SIN3A: variants seen among roughly 807,000 people sequenced by gnomAD.
SIN3A encodes SIN3 transcription regulator family member A.
In SIN3A, 14 loss-of-function variants were observed where a neutral mutation model predicts 146.1. That is an observed-to-expected ratio of 0.10 (90% CI 0.06 to 0.15). SIN3A has a LOEUF of 0.15. Among genes scored for constraint, SIN3A ranks in the 10% least tolerant of loss-of-function variants. The pLI is 1.00. For synonymous variants in SIN3A, 572 were observed against 572.0 expected (o/e 1.00, Z 0.00); for missense variants, 1,028 against 1,576.0 (o/e 0.65, Z 5.89).
chr15:75,425,501 C>T (rs900151339), intron 2 of SIN3A, among the ~76,000 whole-genome samples: 5 of 152,112 alleles, frequency 3.3e-5, no homozygotes, highest in African/African-American at 1.2e-4. Flanking sequence ...TGATTTGCTA[C>T]GAGCACTGTA....
At chr15:75,383,518 G>A (rs967143307) in intron 17 of SIN3A, among the ~76,000 whole-genome samples, 1 of 151,732 alleles carries the variant, frequency 6.6e-6, no homozygotes, top group African/African-American at 2.4e-5. Context: ...CGACCTCCCA[G>A]GCTCAAGCAA....
intron 16 of SIN3A, among the ~76,000 whole-genome samples, chr15:75,386,069 G>A (rs2073070647): frequency 6.6e-6 from 1 of 152,198 alleles, no homozygotes; most frequent in South Asian, 2.1e-4. Context: ...CGCCCAGGCT[G>A]GAGTGCAGTG....
At position 75,421,665 on chromosome 15, in the gene SIN3A, C is replaced by T. The variant is rs188592278; in HGVS notation, c.366+982G>A. 27 of 152,292 alleles carry T rather than the reference C, an allele frequency of 1.8e-4. No homozygotes were observed. The East Asian group carries it at 5.2e-3, about 29-fold the overall frequency. The allele number at this position is 152,292 out of a possible 1,614,324, so 9.4% of individuals were successfully genotyped here. ...ATTTCTCATTCGTGCCTGCAAGCAA[C>T]ATAAGTAGGTTGCAATAACCAAATG... On this transcript the variant is annotated intron_variant, in intron 3 of 20. Transcript: ENST00000394947.
In SIN3A at chr15:75,430,288, G is replaced by C; in HGVS notation, c.88C>G (p.Gln30Glu). 1 of 1,614,152 alleles carries C rather than the reference G, an allele frequency of 6.2e-7. No individual in the cohort carries two copies. The highest frequency in any genetic ancestry group is 1.1e-5 in the South Asian group (1 of 91,080). The change falls in exon 2 of 21, where the codon CAG becomes GAG. Residue 30 changes from glutamine (Q) to glutamate (E), a missense_variant. By Grantham distance (29) the Gln-to-Glu change is conservative. Transcript: ENST00000394947. ...GGGGCAGGGGCAAGCACCCGGTGCT[G>C]GTGAGGAAAAGCCTCTGTGCTGCCA... ...IPGSTEAFPH[Q>E]HRVLAPAPPV... is the part of the protein sequence containing the mutation.
At chr15:75,396,210 C>A in intron 13 of SIN3A, 48 bp downstream of exon 13, 1 of 1,289,788 alleles carries the variant, frequency 7.8e-7, no homozygotes, top group South Asian at 1.3e-5. Context: ...AGACACTGAA[C>A]CGGTAGTGAA....
intron 2 of SIN3A, 64 bp from the exon 3 acceptor site, chr15:75,422,887 A>G: frequency 1.3e-6 from 2 of 1,501,170 alleles, no homozygotes; most frequent in East Asian, 2.3e-5. Flanking sequence ...AAATGAGTCT[A>G]AATAACTAAC....
intron 2 of SIN3A, among the ~76,000 whole-genome samples, chr15:75,428,310 G>C (rs1021665392): frequency 6.6e-6 from 1 of 151,948 alleles, no homozygotes; most frequent in Non-Finnish European, 1.5e-5. Flanking sequence ...TGAATAACAC[G>C]GGTTTTTGTT....
chr15:75,409,175 G>A (rs1484333019), intron 8 of SIN3A, among the ~76,000 whole-genome samples: 1 of 151,950 alleles, frequency 6.6e-6, no homozygotes, highest in Non-Finnish European at 1.5e-5. Flanking sequence ...CTGCACTCCA[G>A]CCTGGGCGAC....
chr15:75,440,742 G>C (rs1040089892), intron 1 of SIN3A, among the ~76,000 whole-genome samples: 2 of 152,050 alleles, frequency 1.3e-5, no homozygotes, highest in Admixed American at 1.3e-4. Flanking sequence ...CAGCACTTTG[G>C]AAGGCCAAGG....
At chr15:75,383,079 CTGGACAACA>C (rs2073005406) in intron 17 of SIN3A, among the ~76,000 whole-genome samples, 1 of 151,410 alleles carries the variant, frequency 6.6e-6, no homozygotes. Flanking sequence ...CCTGGACAAC[CTGGACAACA>C]AGAGTGAGCC....
intron 1 of SIN3A, among the ~76,000 whole-genome samples, chr15:75,440,936 C>A (rs886923769): frequency 6.9e-6 from 1 of 145,782 alleles, no homozygotes; most frequent in African/African-American, 2.6e-5. Flanking sequence ...GAGCTGAGAT[C>A]GCGCCACTGC....
chr15:75,415,107 T>C (rs981372744), intron 3 of SIN3A: 13 of 152,042 alleles, frequency 8.6e-5, no homozygotes, highest in African/African-American at 2.9e-4. Flanking sequence ...TGAGAAAAAA[T>C]TGGCACAAGA....
At chr15:75,391,495 C>T (rs1198251610) in intron 15 of SIN3A, among the ~76,000 whole-genome samples, 1 of 130,928 alleles carries the variant, frequency 7.6e-6, no homozygotes, top group Non-Finnish European at 1.6e-5. Flanking sequence ...CCTACATCAG[C>T]AACACATAAA....
intron 12 of SIN3A, among the ~76,000 whole-genome samples, chr15:75,398,101 AAAAC>A (rs762527269): frequency 1.8e-4 from 28 of 152,294 alleles, no homozygotes; most frequent in South Asian, 4.1e-4. Context: ...AAAGAGTACC[AAAAC>A]AAACAAACAA....
rs188448566 is a variant in SIN3A, at chr15:75,403,544, T to C, written c.1408-1574A>G. On this transcript the variant is annotated intron_variant, in intron 9 of 20. Transcript: ENST00000394947. The stretch of plus-strand genomic sequence containing the variant: ...TACTCAGGTTTTTGTTGCCTCTTTT[T>C]CTTTTTTTTTTTTGAGACCGAGTTT... Among the ~76,000 whole-genome samples, 10 of 151,620 alleles carry C rather than the reference T, an allele frequency of 6.6e-5. No individual in the cohort carries two copies. In the East Asian group the frequency reaches 1.9e-3, roughly 29 times the overall value.
intron 1 of SIN3A, among the ~76,000 whole-genome samples, chr15:75,431,245 C>T (rs1567403952): frequency 6.6e-6 from 1 of 152,184 alleles, no homozygotes; most frequent in African/African-American, 2.4e-5. Flanking sequence ...TCAACAAGTT[C>T]CTCATTCTAT....
intron 1 of SIN3A, among the ~76,000 whole-genome samples, chr15:75,431,678 C>T (rs1251291010): frequency 6.6e-6 from 1 of 151,992 alleles, no homozygotes; most frequent in East Asian, 1.9e-4. Flanking sequence ...TTACCTAATT[C>T]ATAAGTCTAC....
chr15:75,380,343 G>C (rs1293764563), intron 19 of SIN3A, among the ~76,000 whole-genome samples: 1 of 152,178 alleles, frequency 6.6e-6, no homozygotes, highest in Non-Finnish European at 1.5e-5. Context: ...TATATGCAGA[G>C]TCCTGTGAGT....
At chr15:75,418,784 T>C (rs559250928) in intron 3 of SIN3A, among the ~76,000 whole-genome samples, 1 of 152,202 alleles carries the variant, frequency 6.6e-6, no homozygotes, top group African/African-American at 2.4e-5. Flanking sequence ...AGACAGAGTC[T>C]CGCTCTATCG....
Sources: allele counts gnomAD v4.1 joint callset (sites outside exome capture counted in the v4.1 genomes callset), GRCh38; gene constraint gnomAD v4.1.1; transcripts MANE v1.5; gene names NCBI Gene and HGNC (gene_info 2026-07-23, HGNC 2026-07-21).